FAM120C: variants seen among roughly 807,000 people sequenced by gnomAD.
The protein encoded by FAM120C is family with sequence similarity 120 member C, also known as constitutive coactivator of PPAR-gamma-like protein 2.
FAM120C carries 14 observed loss-of-function variants against 71.2 expected under a neutral mutation model. The ratio of observed to expected loss-of-function variants is 0.20; its 90% CI spans 0.13 to 0.31. FAM120C has a LOEUF of 0.31. Ranked by LOEUF, FAM120C falls within the 10% of genes least tolerant of loss-of-function variation. FAM120C has a pLI of 1.00. For synonymous variants in FAM120C, 354 were observed against 353.2 expected (o/e 1.00, Z -0.03); for missense variants, 500 against 879.0 (o/e 0.57, Z 5.45).
chrX:54,174,190 G>C lies in FAM120C; in HGVS notation c.699+8310C>G, dbSNP rs1393857544. On this transcript the variant is annotated intron_variant, in intron 1 of 15. Transcript: ENST00000375180. ...GCAAGAAGAGCCAGAGAGAAAGAGA[G>C]AGAGAGTGCAAACAAGATGGAAGTC... 4 of 512,191 alleles carry C rather than the reference G, an allele frequency of 7.8e-6. No individual in the cohort carries two copies. The East Asian group carries it at 1.1e-4, about 14-fold the overall frequency. The allele number at this position is 512,191 out of a possible 1,213,427, so 42.2% of individuals were successfully genotyped here.
At chrX:54,155,418 G>A (rs1243433822) in intron 3 of FAM120C, among the ~76,000 whole-genome samples, 1 of 111,624 alleles carries the variant, frequency 9.0e-6, no homozygotes, top group Non-Finnish European at 1.9e-5. Context: ...GAATGGGTGA[G>A]TATCTGTGTC....
chrX:54,135,438 T>C, intron 6 of FAM120C, 90 bp downstream of exon 6: 2 of 812,856 alleles, frequency 2.5e-6, no homozygotes, highest in Non-Finnish European at 3.6e-6. Flanking sequence ...GACAGTCTAA[T>C]AACACTGAAT....
At chrX:54,129,135 G>A (rs1369612736) in intron 9 of FAM120C, among the ~76,000 whole-genome samples, 1 of 106,211 alleles carries the variant, frequency 9.4e-6, no homozygotes, top group African/African-American at 3.4e-5. Context: ...CGGGGCGGCC[G>A]GCCGGGGCGG....
At chrX:54,173,490 C>T (rs905217420) in intron 1 of FAM120C, among the ~76,000 whole-genome samples, 5 of 112,243 alleles carry the variant, frequency 4.5e-5, no homozygotes, top group Admixed American at 1.9e-4. Context: ...TCAGGTGATC[C>T]GCCTGCCTCG....
At position 54,151,290 on chromosome X, in the gene FAM120C, G is replaced by T. The variant is rs146265936; in HGVS notation, c.1113C>A (p.Pro371=). Residue 371 remains proline (P), a synonymous_variant, in exon 4 of 16, where the codon CCC becomes CCA. Transcript: ENST00000375180. ...VSEYVSSIKD[P]SNLDVVGKDV... ...CCTTCCCAACTACATCCAGGTTTGA[G>T]GGATCTTTGATGGAACTGACATACT... 8.3e-7 allele frequency: 1 copy of T among 1,210,863 alleles called. No homozygotes were observed. Among genetic ancestry groups the T allele is most frequent in the East Asian group, 3.0e-5 (1 of 33,808 alleles).
In FAM120C at chrX:54,182,868, G is replaced by C. The variant is rs1557137653; in HGVS notation, c.331C>G (p.Pro111Ala). The C allele has an allele frequency of 8.8e-7, 1 of 1,137,330 alleles. No homozygotes were observed. Among genetic ancestry groups the C allele is most frequent in the South Asian group, 2.1e-5 (1 of 47,468 alleles). 93.7% of individuals were successfully genotyped at this position (1,137,330 alleles called of 1,213,427 possible). The change falls in exon 1 of 16, where the codon CCT (proline) becomes GCT (alanine). Residue 111 changes from proline (P) to alanine (A), a missense_variant. This residue lies in a region of FAM120C where 79 missense variants were observed against 78.3 expected (regional missense o/e 1.01). Coordinates refer to ENST00000375180, the MANE Select transcript of FAM120C (RefSeq NM_017848.6). ...LHPPLPPPPP[P>A]QLPGARVLVD... Reference sequence around the variant, plus strand: ...AGCACCCGGGCCCCGGGCAGCTGAGGGGGCGGCGGCGGCGGCAGCGGAGGG... The same window carrying C: ...AGCACCCGGGCCCCGGGCAGCTGAGCGGGCGGCGGCGGCGGCAGCGGAGGG...
chrX:54,094,279 A>G (rs2066839100), intron 10 of FAM120C, among the ~76,000 whole-genome samples: 1 of 106,636 alleles, frequency 9.4e-6, no homozygotes, highest in Non-Finnish European at 1.9e-5. Flanking sequence ...TTGTATTTTT[A>G]GTAGAGACGG....
intron 10 of FAM120C, among the ~76,000 whole-genome samples, chrX:54,098,655 G>A (rs1284150085): frequency 2.7e-5 from 3 of 110,822 alleles, no homozygotes; most frequent in African/African-American, 3.3e-5. Flanking sequence ...ACAGAGTCTC[G>A]CTCTGCCACC....
chrX:54,140,625 A>G (rs1212697337), intron 4 of FAM120C, among the ~76,000 whole-genome samples: 2 of 101,926 alleles, frequency 2.0e-5, no homozygotes, highest in African/African-American at 3.6e-5. Flanking sequence ...CGTCTCAAAG[A>G]AAAAAAAAAA....
intron 10 of FAM120C, among the ~76,000 whole-genome samples, chrX:54,103,711 T>C (rs1225615272): frequency 1.8e-5 from 2 of 109,665 alleles, no homozygotes; most frequent in African/African-American, 6.6e-5. Flanking sequence ...TATTTTGGTA[T>C]GAGTTTATAA....
intron 5 of FAM120C, among the ~76,000 whole-genome samples, chrX:54,136,033 T>A: frequency 9.3e-6 from 1 of 107,503 alleles, no homozygotes; most frequent in South Asian, 4.3e-4. Context: ...AATTTCACTC[T>A]TGTTGCCCAG....
At chrX:54,159,320 C>G (rs1557134081) in intron 2 of FAM120C, 50 bp downstream of exon 2, 1 of 1,194,241 alleles carries the variant, frequency 8.4e-7, no homozygotes, top group African/African-American at 1.8e-5. Flanking sequence ...TCTCTTAACA[C>G]CAGAAGAGGA....
chrX:54,075,997 C>T (rs1316919577), intron 15 of FAM120C, among the ~76,000 whole-genome samples: 1 of 109,469 alleles, frequency 9.1e-6, no homozygotes, highest in Non-Finnish European at 1.9e-5. Flanking sequence ...CCTGTAATCC[C>T]AGCTACTTGG....
chrX:54,170,265 T>A (rs2067280795), intron 1 of FAM120C, among the ~76,000 whole-genome samples: 1 of 110,863 alleles, frequency 9.0e-6, no homozygotes, highest in Non-Finnish European at 1.9e-5. Context: ...CCTCCCAAAG[T>A]AGCTGGGATT....
chrX:54,132,891 G>A lies in FAM120C; in HGVS notation c.1891-28C>T, dbSNP rs1557129660. 7.9e-6 allele frequency: 9 copies of A among 1,137,789 alleles called. No homozygotes were observed. The Admixed American group carries it at 1.1e-4, about 14-fold the overall frequency. The allele number at this position is 1,137,789 out of a possible 1,213,427, so 93.8% of individuals were successfully genotyped here. On this transcript the variant is annotated intron_variant, in intron 8 of 15. Transcript: ENST00000375180. ...AACAAGAGAACATTCCAGGGAAAAG[G>A]AAAAAATGAGTTACCTCAAGGTTTA...
intron 1 of FAM120C, among the ~76,000 whole-genome samples, chrX:54,177,475 G>C (rs946395007): frequency 3.6e-5 from 4 of 111,394 alleles, no homozygotes; most frequent in Non-Finnish European, 7.5e-5. Context: ...GAAGTGACAG[G>C]AGAGTGAAGA....
chrX:54,074,631 G>C (rs1557120418), intron 15 of FAM120C, among the ~76,000 whole-genome samples: 1 of 112,156 alleles, frequency 8.9e-6, no homozygotes, highest in Non-Finnish European at 1.9e-5. Flanking sequence ...TGGTCAGGCT[G>C]GTCTCGAATT....
At chrX:54,133,676 ATAC>A in intron 8 of FAM120C, 94 bp downstream of exon 8, 1 of 975,906 alleles carries the variant, frequency 1.0e-6, no homozygotes, top group Non-Finnish European at 1.4e-6. Context: ...CTAACTTCAT[ATAC>A]CAGTGACCAG....
intron 12 of FAM120C, among the ~76,000 whole-genome samples, chrX:54,086,792 A>G (rs2066797150): frequency 9.3e-6 from 1 of 107,224 alleles, no homozygotes; most frequent in Non-Finnish European, 1.9e-5. Context: ...GCAGTCATAG[A>G]TGGTATGTAG....
Sources: allele counts gnomAD v4.1 joint callset (sites outside exome capture counted in the v4.1 genomes callset), GRCh38; gene constraint gnomAD v4.1.1; regional missense constraint gnomAD v4.1.1; transcripts MANE v1.5; gene names NCBI Gene and HGNC (gene_info 2026-07-23, HGNC 2026-07-21).